The following MAMLD1 variants were observed in gnomAD, a reference collection of about 807,000 sequenced individuals.
The protein encoded by MAMLD1 is mastermind-like domain-containing protein 1.
A neutral mutation model predicts 45.0 loss-of-function variants in MAMLD1; 14 were observed. That is an observed-to-expected ratio of 0.31 (90% CI 0.21 to 0.49). The LOEUF is 0.49. Ranked by LOEUF, MAMLD1 falls within the 20% of genes least tolerant of loss-of-function variation. The pLI, the probability that MAMLD1 is intolerant of heterozygous loss-of-function variation, is 0.99. For missense variants in MAMLD1, 543 were observed against 603.6 expected (o/e 0.90, Z 1.05); for synonymous variants, 254 against 247.8 (o/e 1.02, Z -0.24).
In MAMLD1 at chrX:150,434,062, A is replaced by G. The variant is rs187546574; in HGVS notation, c.-63-11392A>G. 3.5e-3 allele frequency among the ~76,000 whole-genome samples: 386 copies of G among 111,347 alleles called. 2 individuals carry two copies. Among genetic ancestry groups the G allele is most frequent in the African/African-American group, 0.012 (376 of 30,648 alleles). On this transcript the variant is annotated intron_variant, in intron 1 of 7. Transcript: ENST00000370401. Reference sequence around the variant, plus strand: ...CTTTTTTCTGGTTGGTAGGATTTTTATTACTGATTGTATTTCAGAACTCAT... The same window carrying G: ...CTTTTTTCTGGTTGGTAGGATTTTTGTTACTGATTGTATTTCAGAACTCAT...
intron 1 of MAMLD1, among the ~76,000 whole-genome samples, chrX:150,400,022 A>G (rs1244713874): frequency 8.9e-6 from 1 of 111,814 alleles, no homozygotes; most frequent in Admixed American, 9.5e-5. Context: ...TCATTAGAAT[A>G]AAAAGTTGTC....
chrX:150,504,364 A>G, intron 6 of MAMLD1: 1 of 753,470 alleles, frequency 1.3e-6, no homozygotes, highest in South Asian at 6.7e-5. Context: ...ATGGTCATTA[A>G]GCTGAAAGGG....
chrX:150,430,504 T>C (rs1038072805), intron 1 of MAMLD1, among the ~76,000 whole-genome samples: 3 of 111,755 alleles, frequency 2.7e-5, no homozygotes, highest in Non-Finnish European at 3.8e-5. Context: ...TTTTTCCTTT[T>C]ATGGGTTATG....
At chrX:150,388,861 G>T (rs1002547816) in intron 1 of MAMLD1, among the ~76,000 whole-genome samples, 1 of 111,567 alleles carries the variant, frequency 9.0e-6, no homozygotes, top group Admixed American at 9.5e-5. Context: ...GCTGCTTTGA[G>T]TATATTTTGC....
At chrX:150,476,840 C>A (rs1200289770) in intron 5 of MAMLD1, among the ~76,000 whole-genome samples, 1 of 113,188 alleles carries the variant, frequency 8.8e-6, no homozygotes, top group Non-Finnish European at 1.9e-5. Flanking sequence ...GAGCACCAGG[C>A]AATTGCAGAG....
chrX:150,445,178 A>C (rs1369701246), intron 1 of MAMLD1, among the ~76,000 whole-genome samples: 1 of 112,031 alleles, frequency 8.9e-6, no homozygotes, highest in East Asian at 2.8e-4. Flanking sequence ...TATTTTAGTC[A>C]CATGAAGCTG....
intron 1 of MAMLD1, among the ~76,000 whole-genome samples, chrX:150,372,482 C>T (rs184354194): frequency 1.2e-3 from 139 of 112,015 alleles, no homozygotes; most frequent in African/African-American, 4.3e-3. Context: ...ACATGGTTTG[C>T]GTGTCTAATT....
At chrX:150,468,734 G>A (rs1338064285) in intron 3 of MAMLD1, among the ~76,000 whole-genome samples, 1 of 111,340 alleles carries the variant, frequency 9.0e-6, no homozygotes, top group African/African-American at 3.3e-5. Context: ...CCCAGATTGG[G>A]GCCTTTTCTC....
At chrX:150,462,725 T>A in intron 2 of MAMLD1, 47 bp from the exon 3 acceptor site, 1 of 924,337 alleles carries the variant, frequency 1.1e-6, no homozygotes, top group South Asian at 2.0e-5. Context: ...AATACTTTCT[T>A]TAAGAGTGTG....
intron 1 of MAMLD1, among the ~76,000 whole-genome samples, chrX:150,368,230 T>C (rs2031666417): frequency 9.0e-6 from 1 of 111,011 alleles, no homozygotes; most frequent in Admixed American, 9.5e-5. Context: ...TGTTGTTTCC[T>C]GACTTTTTAA....
At chrX:150,378,368 G>T (rs1193858028) in intron 1 of MAMLD1, among the ~76,000 whole-genome samples, 1 of 112,205 alleles carries the variant, frequency 8.9e-6, no homozygotes, top group Non-Finnish European at 1.9e-5. Context: ...TATTCCTGGT[G>T]ATTGTCACTT....
At chrX:150,511,558 G>T (rs1305462887) in intron 7 of MAMLD1, among the ~76,000 whole-genome samples, 1 of 111,912 alleles carries the variant, frequency 8.9e-6, no homozygotes, top group East Asian at 2.8e-4. Context: ...AATCTAAGAG[G>T]CTGAGCTAGC....
chrX:150,416,765 A>G (rs1342597856), intron 1 of MAMLD1, among the ~76,000 whole-genome samples: 1 of 112,466 alleles, frequency 8.9e-6, no homozygotes, highest in Non-Finnish European at 1.9e-5. Context: ...GTGAAATAAT[A>G]TCTAAAATAT....
chrX:150,509,464 C>A (rs1400296257), intron 6 of MAMLD1: 2 of 125,213 alleles, frequency 1.6e-5, no homozygotes, highest in African/African-American at 6.4e-5. Context: ...CATTACTTAC[C>A]ATCCTCTGAA....
intron 1 of MAMLD1, among the ~76,000 whole-genome samples, chrX:150,370,692 C>G (rs180900712): frequency 3.6e-5 from 4 of 111,621 alleles, no homozygotes; most frequent in East Asian, 2.8e-4. Context: ...CTGCCTCCAC[C>G]CCCCCAGCTC....
intron 1 of MAMLD1, among the ~76,000 whole-genome samples, chrX:150,393,052 T>A (rs1557402201): frequency 8.9e-6 from 1 of 111,840 alleles, no homozygotes; most frequent in African/African-American, 3.3e-5. Flanking sequence ...GTATCCATCA[T>A]TACAATACAC....
intron 5 of MAMLD1, among the ~76,000 whole-genome samples, chrX:150,481,966 A>AAGAAAGAAAG (rs2036796664): frequency 5.6e-5 from 2 of 35,440 alleles, no homozygotes; most frequent in African/African-American, 2.4e-4. Flanking sequence ...AGAAAGAAAA[A>AAGAAAGAAAG]AGAAAGAAAG....
rs782678220 is a variant in MAMLD1 at position 150,470,326 on chromosome X, T to C, written c.753T>C (p.Leu251=). ...SSCSQVTGMS[L]QIPSSSTGIS... ...GCAGCCAAGTTACTGGCATGTCACTTCAGATCCCATCCTCCTCCACAGGGA... is the reference window on the plus strand; with the variant it reads ...GCAGCCAAGTTACTGGCATGTCACTCCAGATCCCATCCTCCTCCACAGGGA... Residue 251 remains leucine, a synonymous_variant, in exon 4 of 8, where the codon CTT becomes CTC. Transcript: ENST00000370401. 2 of 1,207,790 alleles carry C rather than the reference T, an allele frequency of 1.7e-6. No homozygotes were observed. The highest frequency in any genetic ancestry group is 2.2e-6 in the Non-Finnish European group (2 of 892,965).
intron 1 of MAMLD1, among the ~76,000 whole-genome samples, chrX:150,439,946 TA>T (rs782014064): frequency 0.018 from 1,865 of 103,877 alleles, 39 homozygotes; most frequent in African/African-American, 0.058. Context: ...GACTCTGTCT[TA>T]AAAAAAAAAA....
Sources: gnomAD v4.1 joint callset for allele counts (sites outside exome capture counted in the v4.1 genomes callset) on GRCh38, gnomAD v4.1.1 for gene constraint, MANE v1.5 for transcripts, NCBI Gene and HGNC (gene_info 2026-07-23, HGNC 2026-07-21) for gene names.